Variants in PATJ observed in about 807,000 individuals in gnomAD.
The protein encoded by PATJ is PATJ crumbs cell polarity complex component.
A neutral mutation model predicts 224.9 loss-of-function variants in PATJ; 190 were observed. The observed-to-expected ratio is 0.84, with a 90% CI of 0.75 to 0.95. The LOEUF (loss-of-function observed/expected upper bound fraction) is 0.95. Ranked by LOEUF, PATJ falls within the 40% of genes least tolerant of loss-of-function variation. The pLI is 0.00. For synonymous variants in PATJ, 769 were observed against 820.3 expected, an observed-to-expected ratio of 0.94 and a Z score of 1.07; for missense variants, 2,121 against 2,270.3, an observed-to-expected ratio of 0.93 and a Z score of 1.34.
chr1:61,987,097 T>A (rs1315755682), intron 27 of PATJ, among the ~76,000 whole-genome samples: 5 of 152,080 alleles, frequency 3.3e-5, no homozygotes, highest in Admixed American at 2.0e-4. Flanking sequence ...ATTTTCTGTT[T>A]AAGATCTTGG....
intron 38 of PATJ, among the ~76,000 whole-genome samples, chr1:62,121,638 A>G (rs1665062989): frequency 6.6e-6 from 1 of 152,116 alleles, no homozygotes; most frequent in South Asian, 2.1e-4. Context: ...GCGTGGTGGC[A>G]TACGCCTGTA....
intron 27 of PATJ, among the ~76,000 whole-genome samples, chr1:61,980,342 T>C (rs1166684024): frequency 6.6e-6 from 1 of 151,970 alleles, no homozygotes; most frequent in Non-Finnish European, 1.5e-5. Flanking sequence ...GGTTGTTGTT[T>C]TTACAAATAT....
chr1:61,755,987 A>G (rs568902923), intron 1 of PATJ, among the ~76,000 whole-genome samples: 48 of 152,256 alleles, frequency 3.2e-4, no homozygotes, highest in African/African-American at 1.1e-3. Flanking sequence ...TTTTTAGTAG[A>G]GACGGGGTTT....
chr1:62,098,358 CA>C (rs57285107), intron 33 of PATJ, among the ~76,000 whole-genome samples: 72 of 123,308 alleles, frequency 5.8e-4, no homozygotes, highest in African/African-American at 8.1e-4. Flanking sequence ...GACTCCATCT[CA>C]AAAAAAAAAA....
chr1:61,912,180 T>C (rs1313748687), intron 25 of PATJ, among the ~76,000 whole-genome samples: 3 of 152,178 alleles, frequency 2.0e-5, no homozygotes, highest in African/African-American at 4.8e-5. Context: ...CCTATAAATA[T>C]ATTTTTACTT....
chr1:62,091,072 G>A (rs971069322), intron 33 of PATJ, among the ~76,000 whole-genome samples: 1 of 152,132 alleles, frequency 6.6e-6, no homozygotes, highest in African/African-American at 2.4e-5. Context: ...CAGTCTCTAG[G>A]ACCCTCTTTC....
chr1:61,839,677 C>T (rs1054692007), intron 17 of PATJ, among the ~76,000 whole-genome samples: 2 of 152,064 alleles, frequency 1.3e-5, no homozygotes, highest in African/African-American at 4.8e-5. Flanking sequence ...AAATGTTTGA[C>T]ATTAGCTAAT....
At chr1:61,759,251 T>C (rs1299951747) in intron 1 of PATJ, among the ~76,000 whole-genome samples, 1 of 152,128 alleles carries the variant, frequency 6.6e-6, no homozygotes, top group Non-Finnish European at 1.5e-5. Context: ...TAGTGTATTT[T>C]ATGTGTGGCC....
At chr1:61,948,681 A>C (rs969211285) in intron 27 of PATJ, among the ~76,000 whole-genome samples, 4 of 152,220 alleles carry the variant, frequency 2.6e-5, no homozygotes, top group Non-Finnish European at 4.4e-5. Flanking sequence ...TTTGAACTAG[A>C]AATACCATTT....
rs145892054 is a variant in PATJ, at chr1:61,843,206, C to T, written c.2112+9421C>T. The stretch of plus-strand genomic sequence containing the variant: ...TAGGGCTCAAGTTTCCCTTTCAGCC[C>T]TTTCCTCTGTATTTTATTTTAATCT... On this transcript the variant is annotated intron_variant, in intron 17 of 43. Transcript: ENST00000642238. Among the ~76,000 whole-genome samples the T allele has an allele frequency of 1.3e-3, 202 of 152,226 alleles. 1 individual carries two copies. The highest frequency in any genetic ancestry group is 1.8e-3 in the Non-Finnish European group (124 of 68,006).
chr1:62,102,990 T>G (rs1432652795), intron 33 of PATJ, among the ~76,000 whole-genome samples: 2 of 151,816 alleles, frequency 1.3e-5, no homozygotes, highest in Non-Finnish European at 2.9e-5. Context: ...GCTAGTGAGA[T>G]CTACAGATCA....
At chr1:61,993,705 G>A (rs1485715313) in intron 28 of PATJ, among the ~76,000 whole-genome samples, 2 of 152,104 alleles carry the variant, frequency 1.3e-5, no homozygotes, top group Non-Finnish European at 2.9e-5. Flanking sequence ...AATTCCAAGG[G>A]TTTTAGGAGC....
intron 1 of PATJ, among the ~76,000 whole-genome samples, chr1:61,761,509 T>C (rs1645971342): frequency 6.6e-6 from 1 of 152,068 alleles, no homozygotes; most frequent in South Asian, 2.1e-4. Context: ...GGAGCCTTCA[T>C]AAGGAAAGGA....
At position 61,965,004 on chromosome 1, in the gene PATJ, C is replaced by T. The variant is rs903590183; in HGVS notation, c.3671-25164C>T. On this transcript the variant is annotated intron_variant, in intron 27 of 43. Coordinates refer to ENST00000642238, the MANE Select transcript of PATJ (RefSeq NM_001350145.3). ...GTGTGTGCCTGTAGCGCCAGCTGCT[C>T]GGGAGGCTGAGGTGAGAGAATTGCT... 1.1e-4 allele frequency among the ~76,000 whole-genome samples: 17 copies of T among 149,880 alleles called. 1 individual carries two copies. In the South Asian group the frequency reaches 1.9e-3, roughly 17 times the overall value.
chr1:61,771,193 T>C (rs1390832183), intron 5 of PATJ, among the ~76,000 whole-genome samples: 2 of 152,270 alleles, frequency 1.3e-5, no homozygotes, highest in Non-Finnish European at 2.9e-5. Flanking sequence ...TTTATTTTTC[T>C]AGGCAGATAG....
At chr1:62,007,197 T>C (rs1223834607) in intron 28 of PATJ, among the ~76,000 whole-genome samples, 2 of 152,182 alleles carry the variant, frequency 1.3e-5, no homozygotes, top group African/African-American at 4.8e-5. Context: ...GACATTTTAT[T>C]GAGTTGGAAA....
chr1:61,768,427 G>A (rs899991711), intron 4 of PATJ, among the ~76,000 whole-genome samples: 27 of 151,600 alleles, frequency 1.8e-4, no homozygotes, highest in Non-Finnish European at 3.1e-4. Flanking sequence ...CCGAGATTGC[G>A]CCACTGCACT....
intron 7 of PATJ, among the ~76,000 whole-genome samples, chr1:61,782,468 G>C (rs1647537778): frequency 6.6e-6 from 1 of 152,148 alleles, no homozygotes; most frequent in African/African-American, 2.4e-5. Context: ...ATTTGAACTT[G>C]GGTGCATCTG....
intron 21 of PATJ, among the ~76,000 whole-genome samples, chr1:61,880,730 A>G (rs1184978743): frequency 6.6e-6 from 1 of 152,232 alleles, no homozygotes; most frequent in African/African-American, 2.4e-5. Context: ...TCATACTTTA[A>G]TCACATAATG....
Sources: allele counts gnomAD v4.1 joint callset (sites outside exome capture counted in the v4.1 genomes callset), GRCh38; gene constraint gnomAD v4.1.1; transcripts MANE v1.5; gene names NCBI Gene and HGNC (gene_info 2026-07-23, HGNC 2026-07-21).